The following DLGAP1 variants were observed in gnomAD, a reference collection of about 807,000 sequenced individuals.
DLGAP1 encodes DLG associated protein 1, also known as disks large-associated protein 1.
DLGAP1 carries 11 observed loss-of-function variants against 90.8 expected under a neutral mutation model. The ratio of observed to expected loss-of-function variants is 0.12; its 90% CI spans 0.08 to 0.20. The LOEUF (loss-of-function observed/expected upper bound fraction) is 0.20. DLGAP1 is among the 10% of genes least tolerant of loss of function. The probability of loss-of-function intolerance (pLI) is 1.00; values close to 1 mark genes in which losing one functional copy is unlikely to be tolerated. For synonymous variants in DLGAP1, 558 were observed against 540.7 expected (o/e 1.03, Z -0.44); for missense variants, 1,050 against 1,333.8 (o/e 0.79, Z 3.31).
intron 1 of DLGAP1, among the ~76,000 whole-genome samples, chr18:4,429,942 T>C (rs1489417005): frequency 1.3e-5 from 2 of 151,924 alleles, no homozygotes; most frequent in Non-Finnish European, 2.9e-5. Flanking sequence ...AAAAAGCAAG[T>C]GGCAGAAGAA....
intron 6 of DLGAP1, among the ~76,000 whole-genome samples, chr18:3,734,996 A>C (rs772558906): frequency 2.0e-4 from 30 of 152,210 alleles, no homozygotes; most frequent in Middle Eastern, 6.8e-3. Context: ...ATATTCTCCT[A>C]ACATTTATTT....
In DLGAP1 at chr18:4,383,191, A is replaced by T. The variant is rs568081317; in HGVS notation, c.-267+71815T>A. Among the ~76,000 whole-genome samples the T allele has an allele frequency of 6.6e-6, 1 of 152,300 alleles. No homozygotes were observed. Among genetic ancestry groups the T allele is most frequent in the East Asian group, 1.9e-4 (1 of 5,188 alleles). ...CATTATCCAGATAGAACAAAAGCAC[A>T]AACAAAACATTAAAACATTACCTGG... On this transcript the variant is annotated intron_variant, in intron 1 of 12. Coordinates refer to ENST00000315677, the MANE Select transcript of DLGAP1 (RefSeq NM_004746.4). This position sits in a 1 kb window ranked among gnomAD's most constrained non-coding sequence, Gnocchi z 4.0.
At chr18:3,503,590 T>A (rs2050060072) in intron 11 of DLGAP1, among the ~76,000 whole-genome samples, 1 of 152,314 alleles carries the variant, frequency 6.6e-6, no homozygotes, top group Non-Finnish European at 1.5e-5. Context: ...GTATCTGTTT[T>A]GGTGACCTCT....
intron 10 of DLGAP1, among the ~76,000 whole-genome samples, chr18:3,522,771 G>T (rs2051297345): frequency 2.6e-5 from 4 of 151,962 alleles, no homozygotes; most frequent in African/African-American, 7.3e-5. Flanking sequence ...TCAAACCCAT[G>T]ACCTCAGATG....
chr18:4,222,967 A>C (rs1161963310), intron 1 of DLGAP1, among the ~76,000 whole-genome samples: 1 of 152,086 alleles, frequency 6.6e-6, no homozygotes, highest in African/African-American at 2.4e-5. Flanking sequence ...CATATTAAAG[A>C]TTTTTGCTGG....
intron 7 of DLGAP1, among the ~76,000 whole-genome samples, chr18:3,671,548 G>T (rs1360280097): frequency 1.3e-5 from 2 of 152,176 alleles, no homozygotes; most frequent in African/African-American, 2.4e-5. Flanking sequence ...CTTCATGGCT[G>T]CACTTGAGCA....
chr18:3,538,778 C>G (rs1280767621), intron 9 of DLGAP1, among the ~76,000 whole-genome samples: 4 of 152,228 alleles, frequency 2.6e-5, no homozygotes, highest in African/African-American at 9.6e-5. Context: ...TCAGAGCAAA[C>G]TGCCACAGCC....
chr18:3,685,332 C>T (rs1172741076), intron 7 of DLGAP1, among the ~76,000 whole-genome samples: 1 of 151,906 alleles, frequency 6.6e-6, no homozygotes, highest in East Asian at 1.9e-4. Flanking sequence ...GAGGCCAAGG[C>T]GGGTGGACCA....
intron 5 of DLGAP1, among the ~76,000 whole-genome samples, chr18:3,807,183 G>A (rs1038983799): frequency 4.6e-5 from 7 of 152,170 alleles, no homozygotes; most frequent in African/African-American, 1.7e-4. Flanking sequence ...GCAGGCTTCT[G>A]ACGCCCCTTC....
intron 10 of DLGAP1, among the ~76,000 whole-genome samples, chr18:3,525,752 G>T (rs1484055647): frequency 1.3e-5 from 2 of 152,200 alleles, no homozygotes; most frequent in East Asian, 3.9e-4. Flanking sequence ...ATGATAGGAG[G>T]TCTTGCTCCG....
At chr18:4,106,245 T>C (rs2075865451) in intron 2 of DLGAP1, among the ~76,000 whole-genome samples, 1 of 152,114 alleles carries the variant, frequency 6.6e-6, no homozygotes, top group African/African-American at 2.4e-5. Context: ...ACCTACGATG[T>C]GGCTGTAGCT....
intron 4 of DLGAP1, among the ~76,000 whole-genome samples, chr18:3,860,554 T>C (rs550303260): frequency 1.3e-5 from 2 of 152,330 alleles, no homozygotes; most frequent in African/African-American, 4.8e-5. Flanking sequence ...AGCAAAGCTA[T>C]ATTTACTCTT....
chr18:4,415,164 C>T (rs2082869289), intron 1 of DLGAP1, among the ~76,000 whole-genome samples: 1 of 151,916 alleles, frequency 6.6e-6, no homozygotes, highest in Non-Finnish European at 1.5e-5. Context: ...ACTCTATAAA[C>T]CTTAGCACCC....
intron 7 of DLGAP1, among the ~76,000 whole-genome samples, chr18:3,640,473 G>A (rs1008944728): frequency 5.3e-5 from 8 of 152,332 alleles, no homozygotes; most frequent in Non-Finnish European, 8.8e-5. Context: ...GGTCGGAAAT[G>A]AATTCTTGGT....
At chr18:3,658,092 T>C (rs967355603) in intron 7 of DLGAP1, among the ~76,000 whole-genome samples, 1 of 152,218 alleles carries the variant, frequency 6.6e-6, no homozygotes, top group African/African-American at 2.4e-5. Flanking sequence ...TTCAATACTA[T>C]GTCAGTACCC....
chr18:4,364,673 T>G (rs2081719907), intron 1 of DLGAP1, among the ~76,000 whole-genome samples: 1 of 152,152 alleles, frequency 6.6e-6, no homozygotes, highest in African/African-American at 2.4e-5. Flanking sequence ...ACCTCTGATT[T>G]TGGTTACTTC....
chr18:3,808,609 G>T (rs1052625821), intron 5 of DLGAP1, among the ~76,000 whole-genome samples: 1 of 152,126 alleles, frequency 6.6e-6, no homozygotes, highest in Non-Finnish European at 1.5e-5. Context: ...AACAGAGATG[G>T]GATGATACAA....
chr18:4,233,886 T>C (rs1260508018), intron 1 of DLGAP1, among the ~76,000 whole-genome samples: 1 of 152,178 alleles, frequency 6.6e-6, no homozygotes, highest in Non-Finnish European at 1.5e-5. Flanking sequence ...ATACTTATTT[T>C]AATACAAATA....
At chr18:3,564,461 A>AG (rs2054323074) in intron 9 of DLGAP1, among the ~76,000 whole-genome samples, 1 of 152,130 alleles carries the variant, frequency 6.6e-6, no homozygotes, top group Non-Finnish European at 1.5e-5. Flanking sequence ...AGCCAGCAAA[A>AG]GGTTCTGGTA....
Sources: gnomAD v4.1 joint callset for allele counts (sites outside exome capture counted in the v4.1 genomes callset) on GRCh38, gnomAD v4.1.1 for gene constraint, Gnocchi (gnomAD v3.1) non-coding constraint, MANE v1.5 for transcripts, NCBI Gene and HGNC (gene_info 2026-07-23, HGNC 2026-07-21) for gene names.